FRMD4A: variants seen among roughly 807,000 people sequenced by gnomAD.
FRMD4A encodes FERM domain-containing protein 4A.
A neutral mutation model predicts 129.1 loss-of-function variants in FRMD4A; 29 were observed. The ratio of observed to expected loss-of-function variants is 0.22; its 90% CI spans 0.17 to 0.31. The LOEUF is 0.31. Ranked by LOEUF, FRMD4A falls within the 10% of genes least tolerant of loss-of-function variation. FRMD4A has a pLI of 1.00. For synonymous variants in FRMD4A, 634 were observed against 571.6 expected (o/e 1.11, Z -1.56); for missense variants, 1,272 against 1,375.8 (o/e 0.92, Z 1.19).
chr10:14,285,499 T>C (rs960049406), intron 2 of FRMD4A, among the ~76,000 whole-genome samples: 2 of 152,226 alleles, frequency 1.3e-5, no homozygotes, highest in African/African-American at 4.8e-5. Context: ...CATGGAGGCA[T>C]GTGGAAAGCA....
chr10:14,222,973 A>T (rs1447788328), intron 2 of FRMD4A, among the ~76,000 whole-genome samples: 1 of 152,188 alleles, frequency 6.6e-6, no homozygotes, highest in Non-Finnish European at 1.5e-5. Flanking sequence ...CTATAATCCC[A>T]GCTACTCTGG....
intron 2 of FRMD4A, among the ~76,000 whole-genome samples, chr10:13,932,868 T>A (rs1291202100): frequency 6.6e-6 from 1 of 152,044 alleles, no homozygotes; most frequent in Non-Finnish European, 1.5e-5. Context: ...CTTAAAAAAA[T>A]ATTTCTGAAA....
At chr10:13,888,534 A>G (rs909294009) in intron 2 of FRMD4A, among the ~76,000 whole-genome samples, 4 of 152,224 alleles carry the variant, frequency 2.6e-5, no homozygotes, top group African/African-American at 9.6e-5. Flanking sequence ...TATTAAGGTA[A>G]GAGAACTCCT....
chr10:13,856,217 AGTGTGTGTGTGTGT>A (rs36225405), intron 3 of FRMD4A, among the ~76,000 whole-genome samples: 39,947 of 145,890 alleles, frequency 0.27, 5,491 homozygotes, highest in Admixed American at 0.31. Flanking sequence ...ATTTTGTGCA[AGTGTGTGTGTGTGT>A]GTGTGTGTGT....
intron 3 of FRMD4A, among the ~76,000 whole-genome samples, chr10:13,820,103 G>A (rs1045420339): frequency 6.6e-6 from 1 of 152,136 alleles, no homozygotes; most frequent in African/African-American, 2.4e-5. Flanking sequence ...ACACAGGCGA[G>A]GAACCCCAGT....
chr10:14,011,445 TC>T (rs780906241), intron 2 of FRMD4A, among the ~76,000 whole-genome samples: 35 of 152,144 alleles, frequency 2.3e-4, no homozygotes, highest in Non-Finnish European at 4.0e-4. Flanking sequence ...TGGAGACCCA[TC>T]CAGTGGGAGA....
At chr10:13,940,114 G>C (rs1239213101) in intron 2 of FRMD4A, among the ~76,000 whole-genome samples, 1 of 151,770 alleles carries the variant, frequency 6.6e-6, no homozygotes, top group African/African-American at 2.4e-5. Flanking sequence ...GAAACTGAAG[G>C]GCACAAACCC....
At position 14,140,219 on chromosome 10, in the gene FRMD4A, A is replaced by G. The variant is rs564040542; in HGVS notation, c.45+189839T>C. 1.1e-4 allele frequency among the ~76,000 whole-genome samples: 16 copies of G among 152,098 alleles called. No homozygotes were observed. In the East Asian group the frequency reaches 3.1e-3, roughly 30 times the overall value. On this transcript the variant is annotated intron_variant, in intron 2 of 24. Transcript: ENST00000357447. ...TGGGACTACAGGCGCACACCACCACACCTGGCTAATCTTCGTATTTTTTAG... is the reference window on the plus strand; with the variant it reads ...TGGGACTACAGGCGCACACCACCACGCCTGGCTAATCTTCGTATTTTTTAG...
intron 2 of FRMD4A, among the ~76,000 whole-genome samples, chr10:14,052,071 C>A (rs1409558557): frequency 2.6e-5 from 4 of 152,112 alleles, no homozygotes; most frequent in Non-Finnish European, 5.9e-5. Context: ...GAGAAGAACA[C>A]CATGGGCCAA....
At chr10:14,026,932 TTTTC>T (rs1305143022) in intron 2 of FRMD4A, among the ~76,000 whole-genome samples, 4 of 152,178 alleles carry the variant, frequency 2.6e-5, no homozygotes, top group African/African-American at 9.6e-5. Context: ...CAACATCAAA[TTTTC>T]TTTCTTTTTT....
intron 5 of FRMD4A, among the ~76,000 whole-genome samples, chr10:13,786,065 A>G (rs1439598213): frequency 6.6e-6 from 1 of 152,224 alleles, no homozygotes; most frequent in African/African-American, 2.4e-5. Context: ...TGTTGTGAAT[A>G]GTGCCACAAT....
Position 13,657,021 on chromosome 10 carries a change from G to C in FRMD4A, c.2568C>G (p.Asp856Glu). 2 of 1,569,096 alleles carry C rather than the reference G, an allele frequency of 1.3e-6. No homozygotes were observed. The highest frequency in any genetic ancestry group is 1.7e-6 in the Non-Finnish European group (2 of 1,164,600). The change falls in exon 22 of 25, where the codon GAC becomes GAG. Residue 856 changes from aspartate to glutamate, a missense_variant. Physicochemically the swap from Asp to Glu is conservative, Grantham distance 45. Around this residue, in one of 2 missense-constraint regions of FRMD4A, gnomAD observed 972 missense variants for 892.3 expected, o/e 1.09. Transcript: ENST00000357447. Reference sequence around the variant, plus strand: ...CCTTGACGCTGTAGTGGCCCTCCTGGTCGCTCTCCAGGCTGCGCACCACCA... The same window carrying C: ...CCTTGACGCTGTAGTGGCCCTCCTGCTCGCTCTCCAGGCTGCGCACCACCA... ...TPVVVRSLES[D>E]QEGHYSVKAQ...
At chr10:13,777,372 A>C (rs2092620953) in intron 6 of FRMD4A, among the ~76,000 whole-genome samples, 1 of 132,108 alleles carries the variant, frequency 7.6e-6, no homozygotes, top group African/African-American at 2.7e-5. Flanking sequence ...TGTACAAATG[A>C]AAATATTATT....
At chr10:14,106,026 T>C (rs570971920) in intron 2 of FRMD4A, among the ~76,000 whole-genome samples, 1 of 152,352 alleles carries the variant, frequency 6.6e-6, no homozygotes, top group South Asian at 2.1e-4. Context: ...GGATTGCAAA[T>C]GTTGTCATTC....
Position 14,031,873 on chromosome 10 carries a change from ATT to A in FRMD4A, c.46-172963_46-172962del, listed in dbSNP as rs59983120. Among the ~76,000 whole-genome samples the A allele has an allele frequency of 7.3e-3, 1,087 of 148,590 alleles. 44 individuals are homozygous for A. In the East Asian group the frequency reaches 0.1, roughly 14 times the overall value. On this transcript the variant is annotated intron_variant, in intron 2 of 24. Transcript: ENST00000357447. ...TCCATTTCACCCAACTCTGACTTAG[ATT>A]TTTTTTTTTTCTTCCCCCATTGCCT... is the stretch of plus-strand genomic sequence containing the variant.
At chr10:13,699,131 C>T (rs963033563) in intron 14 of FRMD4A, among the ~76,000 whole-genome samples, 1 of 149,266 alleles carries the variant, frequency 6.7e-6, no homozygotes, top group African/African-American at 2.5e-5. Flanking sequence ...TCTCAGCTCA[C>T]TGCAACCTCT....
At chr10:13,679,490 C>T (rs1198204752) in intron 15 of FRMD4A, among the ~76,000 whole-genome samples, 15 of 120,478 alleles carry the variant, frequency 1.2e-4, no homozygotes, top group African/African-American at 2.9e-4. Flanking sequence ...CACACACACA[C>T]ACACACACAC....
chr10:13,740,025 G>A (rs1462806742), intron 11 of FRMD4A, among the ~76,000 whole-genome samples, 169 bp downstream of exon 11: 7 of 152,320 alleles, frequency 4.6e-5, no homozygotes, highest in East Asian at 1.9e-4. Flanking sequence ...GCTTGAACCC[G>A]GGAGGTGGAG....
chr10:13,725,327 G>A (rs2089809310), intron 12 of FRMD4A, among the ~76,000 whole-genome samples: 1 of 152,166 alleles, frequency 6.6e-6, no homozygotes, highest in Non-Finnish European at 1.5e-5. Context: ...TGTCAGGCCT[G>A]GAGACTGACT....
Sources: gnomAD v4.1 joint callset for allele counts (sites outside exome capture counted in the v4.1 genomes callset) on GRCh38, gnomAD v4.1.1 for gene constraint, gnomAD v4.1.1 regional missense constraint, MANE v1.5 for transcripts, NCBI Gene and HGNC (gene_info 2026-07-23, HGNC 2026-07-21) for gene names.